Variants in PIK3R1 observed in about 807,000 individuals in gnomAD.
The protein encoded by PIK3R1 is phosphoinositide-3-kinase regulatory subunit 1, also known as phosphatidylinositol 3-kinase regulatory subunit alpha.
Under a neutral mutation model 98.0 loss-of-function variants are expected in PIK3R1, and 29 were observed. The observed-to-expected ratio is 0.30, with a 90% CI of 0.22 to 0.40. The LOEUF is 0.40. Ranked by LOEUF, PIK3R1 falls within the 10% of genes least tolerant of loss-of-function variation. The pLI, the probability that PIK3R1 is intolerant of heterozygous loss-of-function variation, is 1.00. For missense variants in PIK3R1, 596 were observed against 872.7 expected, an observed-to-expected ratio of 0.68 and a Z score of 3.99; for synonymous variants, 282 against 311.8, an observed-to-expected ratio of 0.90 and a Z score of 1.01.
intron 7 of PIK3R1, among the ~76,000 whole-genome samples, chr5:68,284,289 C>G (rs1746983465): frequency 6.6e-6 from 1 of 152,218 alleles, no homozygotes; most frequent in African/African-American, 2.4e-5. Flanking sequence ...TGAATCCTGT[C>G]AGGCCTTTTT....
chr5:68,236,921 T>C (rs1193288889), intron 2 of PIK3R1, among the ~76,000 whole-genome samples: 3 of 152,238 alleles, frequency 2.0e-5, no homozygotes, highest in African/African-American at 7.2e-5. Flanking sequence ...AGACAAAGTT[T>C]TGGGTATGTG....
intron 2 of PIK3R1, among the ~76,000 whole-genome samples, chr5:68,246,191 G>A (rs746049430): frequency 3.7e-4 from 56 of 152,012 alleles, no homozygotes; most frequent in Non-Finnish European, 3.7e-4. Flanking sequence ...AAAGTCTTTA[G>A]TATGCTGTAT....
At chr5:68,275,633 A>G (rs1234356821) in intron 4 of PIK3R1, among the ~76,000 whole-genome samples, 4 of 152,170 alleles carry the variant, frequency 2.6e-5, no homozygotes, top group Non-Finnish European at 4.4e-5. Context: ...ATCAAAACAC[A>G]TAGAAAACTG....
chr5:68,296,786 AGG>A (rs1747738212), intron 15 of PIK3R1, among the ~76,000 whole-genome samples: 1 of 152,222 alleles, frequency 6.6e-6, no homozygotes, highest in Non-Finnish European at 1.5e-5. Flanking sequence ...TCCTTGAGAT[AGG>A]TACACCCACA....
At chr5:68,243,654 A>C (rs895284055) in intron 2 of PIK3R1, among the ~76,000 whole-genome samples, 1 of 152,228 alleles carries the variant, frequency 6.6e-6, no homozygotes, top group Non-Finnish European at 1.5e-5. Flanking sequence ...TGACAGTTCA[A>C]TTCGTTAACC....
At chr5:68,238,393 T>C (rs979030949) in intron 2 of PIK3R1, among the ~76,000 whole-genome samples, 2 of 152,210 alleles carry the variant, frequency 1.3e-5, no homozygotes, top group East Asian at 3.9e-4. Context: ...TACTGGAGAT[T>C]TGAAAGAAGA....
chr5:68,255,646 A>G (rs1227403156), intron 2 of PIK3R1, among the ~76,000 whole-genome samples: 2 of 152,136 alleles, frequency 1.3e-5, no homozygotes, highest in Admixed American at 6.5e-5. Context: ...AATTGTCTCC[A>G]CTGTTTTTTC....
chr5:68,221,163 T>C (rs1294259512), intron 1 of PIK3R1, among the ~76,000 whole-genome samples: 2 of 152,346 alleles, frequency 1.3e-5, no homozygotes, highest in East Asian at 3.9e-4. Context: ...TCTTGGACTT[T>C]CCAGCCTCCA....
chr5:68,266,681 T>C (rs1580226394), intron 2 of PIK3R1, among the ~76,000 whole-genome samples: 1 of 152,186 alleles, frequency 6.6e-6, no homozygotes, highest in African/African-American at 2.4e-5. Context: ...GCTTCTTTCC[T>C]TGACTGGCAC....
rs140430012 is a variant in PIK3R1, at chr5:68,225,722, G to A, written c.-386-568G>A. On this transcript the variant is annotated intron_variant, in intron 1 of 15. Transcript: ENST00000521381. ...TCACTTTTCACCAAGCCCTTTCCGT[G>A]TTCCACACTGTGGGCTGAATTACTC... 7.7e-3 allele frequency among the ~76,000 whole-genome samples: 1,175 copies of A among 152,246 alleles called. 12 individuals carry two copies. The highest frequency in any genetic ancestry group is 8.2e-3 in the Non-Finnish European group (556 of 68,024).
In PIK3R1 at chr5:68,226,503, C is replaced by T; in HGVS notation, c.-173C>T. 1.7e-6 allele frequency: 1 copy of T among 588,508 alleles called. No homozygotes were observed. Among genetic ancestry groups the T allele is most frequent in the Non-Finnish European group, 3.0e-6 (1 of 334,334 alleles). 36.5% of individuals were successfully genotyped at this position (588,508 alleles called of 1,614,324 possible). Reference sequence around the variant, plus strand: ...CCATTGATGGAGGACAGATGGACAGCCGTATGGCCAGTCACCTCTCCTCTT... The same window carrying T: ...CCATTGATGGAGGACAGATGGACAGTCGTATGGCCAGTCACCTCTCCTCTT... On this transcript the variant is annotated 5_prime_UTR_variant, in exon 2 of 16. Transcript: ENST00000521381.
chr5:68,296,157 T>C lies in PIK3R1; in HGVS notation c.1815-14T>C. The C allele has an allele frequency of 6.2e-7, 1 of 1,613,692 alleles. No homozygotes were observed. Among genetic ancestry groups the C allele is most frequent in the East Asian group, 2.2e-5 (1 of 44,872 alleles). On this transcript the variant is annotated splice_polypyrimidine_tract_variant and intron_variant, in intron 14 of 15. Coordinates refer to ENST00000521381, the MANE Select transcript of PIK3R1 (RefSeq NM_181523.3). ...GCACTCTTCATTTAGAAACTTTCTG[T>C]CCTGCCTGCCTAGCCAATATTCACT...
In PIK3R1 at chr5:68,297,401, C is replaced by T. The variant is rs1344667155; in HGVS notation, c.1986-11C>T. ...AAGCTCAAAAGACAGTTTTTCTTCT[C>T]TCCTCTCTAGGGTGGACGGCGAAGT... On this transcript the variant is annotated splice_polypyrimidine_tract_variant and intron_variant, in intron 15 of 15. Transcript: ENST00000521381. 13 of 1,602,706 alleles carry T rather than the reference C, an allele frequency of 8.1e-6. No homozygotes were observed. The highest frequency in any genetic ancestry group is 1.0e-5 in the Non-Finnish European group (12 of 1,174,348).
At chr5:68,263,966 A>AAT (rs1169852691) in intron 2 of PIK3R1, among the ~76,000 whole-genome samples, 1 of 152,106 alleles carries the variant, frequency 6.6e-6, no homozygotes, top group Non-Finnish European at 1.5e-5. Context: ...TACATTACAA[A>AAT]ATATATATTT....
At chr5:68,293,539 T>A (rs1432100380) in intron 10 of PIK3R1, 56 bp downstream of exon 10, 1 of 1,410,132 alleles carries the variant, frequency 7.1e-7, no homozygotes, top group African/African-American at 1.4e-5. Flanking sequence ...ATCCTTTTAA[T>A]ACTTAGAAAA....
chr5:68,270,906 A>G (rs568110289), intron 2 of PIK3R1, among the ~76,000 whole-genome samples: 44 of 152,318 alleles, frequency 2.9e-4, no homozygotes, highest in Admixed American at 2.4e-3. Flanking sequence ...CTTTCATTTT[A>G]TAATATTTCT....
rs774531250 is a variant in PIK3R1, at chr5:68,273,402, C to T, written c.347C>T (p.Pro116Leu). The T allele has an allele frequency of 6.1e-5, 99 of 1,613,912 alleles. 1 individual carries two copies. Among genetic ancestry groups the T allele is most frequent in the South Asian group, 1.8e-4 (16 of 91,086 alleles). Residue 116 changes from proline to leucine, a missense_variant, in exon 3 of 16, where the codon CCG (proline) becomes CTG (leucine). Pro to Leu is a moderately conservative substitution (Grantham distance 98, BLOSUM62 -3). Transcript: ENST00000521381. ...ADVEQQALTL[P>L]DLAEQFAPPD... ...TTGTTGTTTGCAGCTTTGACTCTCCCGGATCTTGCAGAGCAGTTTGCCCCT... is the reference window on the plus strand; with the variant it reads ...TTGTTGTTTGCAGCTTTGACTCTCCTGGATCTTGCAGAGCAGTTTGCCCCT...
At chr5:68,217,661 C>CGT (rs1192098195) in intron 1 of PIK3R1, 1 of 144,750 alleles carries the variant, frequency 6.9e-6, no homozygotes, top group Non-Finnish European at 1.5e-5. Context: ...TGTGCGCGCG[C>CGT]GTGCCTGCGG....
At chr5:68,290,935 A>T in intron 7 of PIK3R1, 2 of 741,758 alleles carry the variant, frequency 2.7e-6, no homozygotes, top group Non-Finnish European at 4.3e-6. Context: ...TGTTTTTATT[A>T]ATTTGTTTCA....
Sources: gnomAD v4.1 joint callset for allele counts (sites outside exome capture counted in the v4.1 genomes callset) on GRCh38, gnomAD v4.1.1 for gene constraint, MANE v1.5 for transcripts, NCBI Gene and HGNC (gene_info 2026-07-23, HGNC 2026-07-21) for gene names.